EML4: variants seen among roughly 807,000 people sequenced by gnomAD.
The protein encoded by EML4 is echinoderm microtubule-associated protein-like 4.
EML4 carries 72 observed loss-of-function variants against 129.0 expected under a neutral mutation model. That is an observed-to-expected ratio of 0.56 (90% CI 0.46 to 0.68). The LOEUF is 0.68. EML4 is among the 30% of genes least tolerant of loss of function. The pLI, the probability that EML4 is intolerant of heterozygous loss-of-function variation, is 0.00. For synonymous variants in EML4, 532 were observed against 405.0 expected, an observed-to-expected ratio of 1.31 and a Z score of -3.77; for missense variants, 1,363 against 1,190.6, an observed-to-expected ratio of 1.14 and a Z score of -2.13.
intron 1 of EML4, among the ~76,000 whole-genome samples, chr2:42,242,438 C>T (rs1364045155): frequency 6.6e-6 from 1 of 152,138 alleles, no homozygotes; most frequent in African/African-American, 2.4e-5. Flanking sequence ...GCCAAGGCTT[C>T]AGAGAGTATA....
chr2:42,241,349 A>G (rs549386245), intron 1 of EML4, among the ~76,000 whole-genome samples: 35 of 152,172 alleles, frequency 2.3e-4, no homozygotes, highest in Non-Finnish European at 4.4e-4. Context: ...TTACATTGCC[A>G]TTGCTTGTTG....
intron 8 of EML4, among the ~76,000 whole-genome samples, chr2:42,284,076 A>G (rs770532340): frequency 1.4e-4 from 22 of 152,236 alleles, no homozygotes; most frequent in Non-Finnish European, 2.9e-4. Flanking sequence ...TCTATTTAAA[A>G]ATTCCTTGCC....
At chr2:42,200,993 T>C (rs1411575777) in intron 1 of EML4, among the ~76,000 whole-genome samples, 1 of 152,202 alleles carries the variant, frequency 6.6e-6, no homozygotes, top group African/African-American at 2.4e-5. Flanking sequence ...GTGAATTGCA[T>C]CCTCTAATTG....
At chr2:42,180,769 T>A (rs1016333868) in intron 1 of EML4, among the ~76,000 whole-genome samples, 1 of 152,236 alleles carries the variant, frequency 6.6e-6, no homozygotes, top group African/African-American at 2.4e-5. Flanking sequence ...CCCATTCTAG[T>A]TTCACTAATT....
At chr2:42,315,244 AT>A (rs1669179978) in intron 17 of EML4, among the ~76,000 whole-genome samples, 2 of 151,978 alleles carry the variant, frequency 1.3e-5, no homozygotes, top group Non-Finnish European at 2.9e-5. Flanking sequence ...GCTATCATTC[AT>A]TTTCTTCCTA....
At chr2:42,189,983 T>G (rs1309537047) in intron 1 of EML4, among the ~76,000 whole-genome samples, 2 of 151,714 alleles carry the variant, frequency 1.3e-5, no homozygotes, top group Admixed American at 6.6e-5. Context: ...AAAAAAAAAG[T>G]CATCAAAATT....
chr2:42,242,235 A>G (rs1260067744), intron 1 of EML4, among the ~76,000 whole-genome samples: 2 of 152,198 alleles, frequency 1.3e-5, no homozygotes, highest in African/African-American at 4.8e-5. Context: ...TCATATAAGC[A>G]TTTTATCTGT....
chr2:42,317,951 CAT>C (rs1444440061), intron 19 of EML4, among the ~76,000 whole-genome samples: 1 of 152,186 alleles, frequency 6.6e-6, no homozygotes, highest in Non-Finnish European at 1.5e-5. Flanking sequence ...TATTTGTCTG[CAT>C]TTAAGAGAGT....
chr2:42,284,497 T>A (rs1667180658), intron 8 of EML4, 137 bp from the exon 9 acceptor site: 1 of 512,230 alleles, frequency 2.0e-6, no homozygotes, highest in Non-Finnish European at 3.4e-6. Flanking sequence ...TTGATGATTG[T>A]TTGATTTGCT....
intron 17 of EML4, among the ~76,000 whole-genome samples, chr2:42,309,338 T>C (rs906122611): frequency 1.3e-5 from 2 of 150,536 alleles, no homozygotes; most frequent in African/African-American, 4.9e-5. Context: ...GAATCTGGGA[T>C]GTCAAGGCTA....
chr2:42,246,005 A>G (rs1180988738), intron 2 of EML4, among the ~76,000 whole-genome samples: 3 of 152,206 alleles, frequency 2.0e-5, no homozygotes, highest in Non-Finnish European at 4.4e-5. Flanking sequence ...CTCATTTCAT[A>G]TTGAACATAG....
chr2:42,171,267 C>A (rs897461729), intron 1 of EML4, among the ~76,000 whole-genome samples: 1 of 152,258 alleles, frequency 6.6e-6, no homozygotes, highest in Middle Eastern at 3.4e-3. Flanking sequence ...AATTGAGTGT[C>A]TTCTTAGGGG....
intron 11 of EML4, among the ~76,000 whole-genome samples, chr2:42,294,563 G>T (rs1667839693): frequency 2.6e-5 from 4 of 152,116 alleles, no homozygotes; most frequent in Non-Finnish European, 5.9e-5. Flanking sequence ...GGGCATGGTG[G>T]TGGGCGCCTG....
chr2:42,169,850 C>T (rs1028497073), intron 1 of EML4: 4 of 453,710 alleles, frequency 8.8e-6, no homozygotes, highest in East Asian at 7.2e-5. Context: ...ACCCTCCTTT[C>T]CTCCCGGAGC....
chr2:42,302,998 T>A, intron 14 of EML4, 106 bp from the exon 15 acceptor site: 1 of 1,169,654 alleles, frequency 8.5e-7, no homozygotes, highest in African/African-American at 1.5e-5. Flanking sequence ...AAATTTGGGC[T>A]TTCGTCATAA....
rs149707509 is a variant in EML4 at position 42,196,065 on chromosome 2, T to G, written c.25+26429T>G. ...TTCTCATCAAATTGAGTATGGTCAT[T>G]AACTGAGAATTTTGGAATCAGAGAG... On this transcript the variant is annotated intron_variant, in intron 1 of 22. Transcript: ENST00000318522. Among the ~76,000 whole-genome samples the G allele has an allele frequency of 4.1e-3, 624 of 152,332 alleles. 2 individuals are homozygous for G. The highest frequency in any genetic ancestry group is 6.8e-3 in the Non-Finnish European group (466 of 68,032).
Position 42,169,552 on chromosome 2 carries a change from C to T in EML4, c.-60C>T, listed in dbSNP as rs1046445496. 9.5e-6 allele frequency: 15 copies of T among 1,572,810 alleles called. No individual in the cohort carries two copies. The East Asian group carries it at 2.1e-4, about 22-fold the overall frequency. Reference sequence around the variant, plus strand: ...TCAGGCTCAGCGTCGGCCACTCTGTCGGTCCGCTGAATGAAGTGCCCGCCC... The same window carrying T: ...TCAGGCTCAGCGTCGGCCACTCTGTTGGTCCGCTGAATGAAGTGCCCGCCC... On this transcript the variant is annotated 5_prime_UTR_variant, in exon 1 of 23. Transcript: ENST00000318522.
chr2:42,244,926 T>A (rs765354576), intron 1 of EML4, among the ~76,000 whole-genome samples: 4 of 151,898 alleles, frequency 2.6e-5, no homozygotes, highest in African/African-American at 7.3e-5. Flanking sequence ...TAAGATGATG[T>A]TGTAAAAATA....
At chr2:42,213,986 A>G (rs1673028621) in intron 1 of EML4, among the ~76,000 whole-genome samples, 1 of 152,236 alleles carries the variant, frequency 6.6e-6, no homozygotes, top group Admixed American at 6.5e-5. Flanking sequence ...GTGTAGTCAG[A>G]GAACTTTGTC....
Sources: allele counts gnomAD v4.1 joint callset (sites outside exome capture counted in the v4.1 genomes callset), GRCh38; gene constraint gnomAD v4.1.1; transcripts MANE v1.5; gene names NCBI Gene and HGNC (gene_info 2026-07-23, HGNC 2026-07-21).